TMEM117: variants seen among roughly 807,000 people sequenced by gnomAD.
The protein encoded by TMEM117 is transmembrane protein 117.
TMEM117 carries 27 observed loss-of-function variants against 52.4 expected under a neutral mutation model. That is an observed-to-expected ratio of 0.51 (90% CI 0.38 to 0.71). The LOEUF is 0.71. Ranked by LOEUF, TMEM117 falls within the 30% of genes least tolerant of loss-of-function variation. The pLI is 0.00. For missense variants in TMEM117, 556 were observed against 630.5 expected, an observed-to-expected ratio of 0.88 and a Z score of 1.26; for synonymous variants, 215 against 206.3, an observed-to-expected ratio of 1.04 and a Z score of -0.36.
At chr12:44,396,335 C>T in the TMEM117 span, among the ~76,000 whole-genome samples, 1 of 152,070 alleles carries the variant, frequency 6.6e-6, no homozygotes, top group Admixed American at 6.6e-5. Flanking sequence ...TGTACTGCCC[C>T]TCTCTTGTGT....
At chr12:43,828,170 A>G in the TMEM117 span, among the ~76,000 whole-genome samples, 3 of 152,214 alleles carry the variant, frequency 2.0e-5, no homozygotes, top group Non-Finnish European at 4.4e-5. Context: ...TACAGTGAGG[A>G]TAGGAGATAT....
At chr12:44,323,514 A>C (rs887437229) in intron 6 of TMEM117, among the ~76,000 whole-genome samples, 1 of 151,982 alleles carries the variant, frequency 6.6e-6, no homozygotes, top group Non-Finnish European at 1.5e-5. Flanking sequence ...GGCTCATCCT[A>C]TTTCTTTATT....
At chr12:44,274,684 C>T (rs779691888) in intron 5 of TMEM117, among the ~76,000 whole-genome samples, 1 of 151,918 alleles carries the variant, frequency 6.6e-6, no homozygotes, top group Non-Finnish European at 1.5e-5. Context: ...AACAGACGTG[C>T]CAGGAACATA....
chr12:44,115,303 T>C (rs892457561), intron 3 of TMEM117, among the ~76,000 whole-genome samples: 3 of 152,056 alleles, frequency 2.0e-5, no homozygotes, highest in Non-Finnish European at 4.4e-5. Context: ...CACTGGGGCC[T>C]GTTGTCGGGT....
rs552078937 is a variant in TMEM117 at position 44,317,084 on chromosome 12, C to T, written c.768+17345C>T. ...CAATCCAAGCTTTGCATTCTTAATC[C>T]GTCATTTCTGAGTGTCTGTTTTAGT... On this transcript the variant is annotated intron_variant, in intron 6 of 7. Coordinates refer to ENST00000266534, the MANE Select transcript of TMEM117 (RefSeq NM_032256.3). Among the ~76,000 whole-genome samples, 45 of 145,194 alleles carry T rather than the reference C, an allele frequency of 3.1e-4. 1 individual carries two copies. The South Asian group carries it at 9.1e-3, about 29-fold the overall frequency.
chr12:43,830,558 C>T, the TMEM117 span, among the ~76,000 whole-genome samples: 22 of 149,894 alleles, frequency 1.5e-4, no homozygotes, highest in Admixed American at 4.7e-4. Flanking sequence ...TGCAGTGAGC[C>T]GAGATCATGC....
chr12:43,919,279 G>A (rs1021994180), intron 2 of TMEM117, among the ~76,000 whole-genome samples: 1 of 152,146 alleles, frequency 6.6e-6, no homozygotes, highest in East Asian at 1.9e-4. Context: ...CTTTATGCCC[G>A]TTGATTAGTA....
chr12:43,938,729 G>A (rs1283580633), intron 2 of TMEM117, among the ~76,000 whole-genome samples: 1 of 152,106 alleles, frequency 6.6e-6, no homozygotes. Flanking sequence ...GCCGGGCATG[G>A]TGGCTCATGC....
At chr12:44,158,724 A>G (rs1948860620) in intron 4 of TMEM117, among the ~76,000 whole-genome samples, 1 of 152,194 alleles carries the variant, frequency 6.6e-6, no homozygotes, top group Non-Finnish European at 1.5e-5. Flanking sequence ...AACAAACTCT[A>G]GAAACATTAT....
intron 2 of TMEM117, among the ~76,000 whole-genome samples, chr12:43,911,595 C>T (rs1944502630): frequency 6.6e-6 from 1 of 150,708 alleles, no homozygotes; most frequent in South Asian, 2.1e-4. Flanking sequence ...GCAAGCTACT[C>T]ATCTGACAAA....
At chr12:43,907,407 A>C in intron 2 of TMEM117, among the ~76,000 whole-genome samples, 1 of 151,462 alleles carries the variant, frequency 6.6e-6, no homozygotes, top group Non-Finnish European at 1.5e-5. Context: ...AAAACAGAGC[A>C]GAAAAACTGG....
At chr12:44,183,200 C>G (rs189501321) in intron 4 of TMEM117, among the ~76,000 whole-genome samples, 132 of 152,218 alleles carry the variant, frequency 8.7e-4, no homozygotes, top group African/African-American at 3.0e-3. Flanking sequence ...TAATTATTAT[C>G]TAATGACTAT....
intron 5 of TMEM117, among the ~76,000 whole-genome samples, chr12:44,272,985 T>C (rs1344585884): frequency 2.0e-5 from 3 of 152,182 alleles, no homozygotes; most frequent in East Asian, 1.9e-4. Flanking sequence ...TGTCCAACAA[T>C]GATAGATTGG....
intron 6 of TMEM117, among the ~76,000 whole-genome samples, chr12:44,336,644 A>C (rs1951344248): frequency 6.6e-6 from 1 of 151,764 alleles, no homozygotes; most frequent in African/African-American, 2.4e-5. Context: ...TTTTAGAGAA[A>C]TCCATTAGGC....
intron 3 of TMEM117, among the ~76,000 whole-genome samples, chr12:44,001,171 A>G (rs74084793): frequency 0.011 from 1,698 of 152,282 alleles, 35 homozygotes; most frequent in African/African-American, 0.039. Flanking sequence ...ACTCTTAATT[A>G]TTGGTGCAGA....
intron 2 of TMEM117, among the ~76,000 whole-genome samples, chr12:43,938,995 G>A (rs1022715775): frequency 6.8e-5 from 10 of 147,904 alleles, no homozygotes; most frequent in African/African-American, 1.0e-4. Flanking sequence ...GTGAGACTCC[G>A]TCTCAAAATA....
At chr12:44,159,812 T>C (rs1948874814) in intron 4 of TMEM117, among the ~76,000 whole-genome samples, 1 of 152,160 alleles carries the variant, frequency 6.6e-6, no homozygotes, top group African/African-American at 2.4e-5. Context: ...ATGAACTTAA[T>C]TCAGATGGTT....
In TMEM117 at chr12:44,225,359, A is replaced by G. The variant is rs144766773; in HGVS notation, c.608+13972A>G. Among the ~76,000 whole-genome samples, 260 of 152,298 alleles carry G rather than the reference A, an allele frequency of 1.7e-3. 2 individuals are homozygous for G. Among genetic ancestry groups the G allele is most frequent in the Middle Eastern group, 3.4e-3 (1 of 294 alleles). On this transcript the variant is annotated intron_variant, in intron 5 of 7. Transcript: ENST00000266534. ...GAAACTACATTAAAATGTACTTGGC[A>G]TACATCTGAATTACCGCAGTTGCAT...
intron 3 of TMEM117, among the ~76,000 whole-genome samples, chr12:44,089,303 A>G (rs760839976): frequency 2.9e-4 from 44 of 152,236 alleles, no homozygotes; most frequent in Admixed American, 5.2e-4. Flanking sequence ...AAATACAAAA[A>G]TGGTAATATC....
Sources: allele counts gnomAD v4.1 joint callset (sites outside exome capture counted in the v4.1 genomes callset), GRCh38; gene constraint gnomAD v4.1.1; transcripts MANE v1.5; gene names NCBI Gene and HGNC (gene_info 2026-07-23, HGNC 2026-07-21).